Variants in TTC22 observed in about 807,000 individuals in gnomAD.
TTC22 encodes the protein tetratricopeptide repeat protein 22.
In TTC22, 42 loss-of-function variants were observed where a neutral mutation model predicts 48.2. The ratio of observed to expected loss-of-function variants is 0.87; its 90% CI spans 0.68 to 1.13. The LOEUF is 1.13. Ranked by LOEUF, TTC22 falls within the 50% of genes most tolerant of loss-of-function variation. The pLI is 0.00. For missense variants in TTC22, 784 were observed against 807.0 expected (o/e 0.97, Z 0.34); for synonymous variants, 345 against 365.5 (o/e 0.94, Z 0.64).
Position 54,781,309 on chromosome 1 carries a change from G to A in TTC22, c.1644C>T (p.Phe548=), listed in dbSNP as rs1053000316. ...QGRPALVRLL[F]ETMEREGEGA... is the part of the protein sequence containing the mutation. Reference sequence around the variant, plus strand: ...CCTCGCCCTCGCGCTCCATGGTCTCGAAGAGCAGCCGCACCAGCGCCGGCC... The same window carrying A: ...CCTCGCCCTCGCGCTCCATGGTCTCAAAGAGCAGCCGCACCAGCGCCGGCC... Residue 548 remains phenylalanine (F), a synonymous_variant, in exon 7 of 7, where the codon TTC becomes TTT. Transcript: ENST00000371276. 10 of 1,465,276 alleles carry A rather than the reference G, an allele frequency of 6.8e-6. No individual in the cohort carries two copies. The Admixed American group carries it at 2.3e-4, about 34-fold the overall frequency. 90.8% of individuals were successfully genotyped at this position (1,465,276 alleles called of 1,614,324 possible).
rs1646254024 is a variant in TTC22 at position 54,780,514 on chromosome 1, G to GGA, written c.*728_*729insTC. 6.6e-6 allele frequency: 1 copy of GGA among 151,716 alleles called. No homozygotes were observed. The highest frequency in any genetic ancestry group is 1.5e-5 in the Non-Finnish European group (1 of 68,064). The allele number at this position is 151,716 out of a possible 1,614,324, so 9.4% of individuals were successfully genotyped here. On this transcript the variant is annotated 3_prime_UTR_variant, in exon 7 of 7. Coordinates refer to ENST00000371276, the MANE Select transcript of TTC22 (RefSeq NM_001114108.2). ...AAAAAAAAAAAAAAAAAAGGGGGGG[G>GGA]GCAGGTGGCACCTCCTAATGGGTGG...
In TTC22 at chr1:54,780,649, C is replaced by G. The variant is rs1420108406; in HGVS notation, c.*594G>C. 6.6e-6 allele frequency: 1 copy of G among 152,270 alleles called. No homozygotes were observed. The highest frequency in any genetic ancestry group is 6.5e-5 in the Admixed American group (1 of 15,284). 9.4% of individuals were successfully genotyped at this position (152,270 alleles called of 1,614,324 possible). ...GGGCCAAGCGGACCAAGAAGGAGGCCTACTAGAAAAGTAGCAGAGAGGCAG... is the reference window on the plus strand; with the variant it reads ...GGGCCAAGCGGACCAAGAAGGAGGCGTACTAGAAAAGTAGCAGAGAGGCAG... On this transcript the variant is annotated 3_prime_UTR_variant, in exon 7 of 7. Coordinates refer to ENST00000371276, the MANE Select transcript of TTC22 (RefSeq NM_001114108.2).
chr1:54,782,274 G>T, intron 6 of TTC22, 51 bp downstream of exon 6: 1 of 1,472,980 alleles, frequency 6.8e-7, no homozygotes, highest in Non-Finnish European at 9.0e-7. Flanking sequence ...GCCTGGCAAG[G>T]AGTAAACAGA....
intron 1 of TTC22, among the ~76,000 whole-genome samples, chr1:54,791,349 CG>C (rs1249898892): frequency 6.6e-6 from 1 of 152,078 alleles, no homozygotes; most frequent in East Asian, 1.9e-4. Flanking sequence ...AGCTGAGGCT[CG>C]TGTGCCTGGC....
intron 5 of TTC22, chr1:54,785,150 G>A (rs2286201): frequency 0.17 from 34,079 of 197,988 alleles, 4,152 homozygotes; most frequent in East Asian, 0.5. Context: ...AGCACGTGGT[G>A]TTGTGGGATT....
chr1:54,781,520 G>C lies in TTC22; in HGVS notation c.1433C>G (p.Ala478Gly), dbSNP rs1365808699. 14 of 1,511,634 alleles carry C rather than the reference G, an allele frequency of 9.3e-6. No individual in the cohort carries two copies. In the Admixed American group the frequency reaches 2.9e-4, roughly 31 times the overall value. The allele number at this position is 1,511,634 out of a possible 1,614,324, so 93.6% of individuals were successfully genotyped here. Residue 478 changes from alanine (A) to glycine (G), a missense_variant, in exon 7 of 7, where the codon GCG becomes GGG. By Grantham distance (60) the Ala-to-Gly change is moderately conservative. Transcript: ENST00000371276. Reference sequence around the variant, plus strand: ...TGCCTGGCTCCACTGCGCCAGCAGCGCCTCGAGCAGGCAGCCGAAGCCGTC... The same window carrying C: ...TGCCTGGCTCCACTGCGCCAGCAGCCCCTCGAGCAGGCAGCCGAAGCCGTC... ...HTDGFGCLLE[A>G]LLAQWSQAQL... is the part of the protein sequence containing the mutation.
chr1:54,781,657 G>A lies in TTC22; in HGVS notation c.1296C>T (p.Pro432=). The A allele has an allele frequency of 6.5e-7, 1 of 1,530,804 alleles. No homozygotes were observed. Among genetic ancestry groups the A allele is most frequent in the Non-Finnish European group, 8.7e-7 (1 of 1,144,304 alleles). 94.8% of individuals were successfully genotyped at this position (1,530,804 alleles called of 1,614,324 possible). Residue 432 remains proline (P), a synonymous_variant, in exon 7 of 7, where the codon CCC becomes CCT. Coordinates refer to ENST00000371276, the MANE Select transcript of TTC22 (RefSeq NM_001114108.2). The part of the protein sequence containing the change: ...AGESELGATL[P]ELQLLRGKCL... ...ACTTGCCGCGCAGCAGCTGCAGCTC[G>A]GGCAGCGTGGCACCCAGCTCCGACT...
At chr1:54,799,595 T>C (rs12123513) in intron 1 of TTC22, among the ~76,000 whole-genome samples, 16,807 of 152,220 alleles carry the variant, frequency 0.11, 1,054 homozygotes, top group South Asian at 0.14. Context: ...CATGACCGCA[T>C]TCAACACATC....
intron 5 of TTC22, chr1:54,784,497 C>T (rs1305201575): frequency 7.1e-6 from 7 of 986,600 alleles, no homozygotes; most frequent in South Asian, 8.5e-5. Flanking sequence ...TGGACATGTC[C>T]GGCCTCTCTC....
chr1:54,798,078 C>G (rs936367648), intron 1 of TTC22, among the ~76,000 whole-genome samples: 22 of 152,342 alleles, frequency 1.4e-4, no homozygotes, highest in Non-Finnish European at 2.5e-4. Context: ...GGGGTCTCCC[C>G]TCACCATCCT....
In TTC22 at chr1:54,800,612, T is replaced by A; in HGVS notation, c.552A>T (p.Leu184=). The change falls in exon 1 of 7, where the codon CTA becomes CTT. Residue 184 remains leucine (L), a synonymous_variant. Coordinates refer to ENST00000371276, the MANE Select transcript of TTC22 (RefSeq NM_001114108.2). ...GGTCACCTACCTGCTGCCCGTAGCC[T>A]AGCGCCTTGTCGTAGAGCGCGATGC... is the stretch of plus-strand genomic sequence containing the variant. ...AAGIALYDKA[L]GYGQQIPMEE... The A allele has an allele frequency of 6.5e-7, 1 of 1,539,796 alleles. No homozygotes were observed. Among genetic ancestry groups the A allele is most frequent in the Non-Finnish European group, 8.6e-7 (1 of 1,156,260 alleles).
rs746391424 is a variant in TTC22, at chr1:54,800,995, G to A, written c.169C>T (p.Leu57Phe). 4 of 1,606,826 alleles carry A rather than the reference G, an allele frequency of 2.5e-6. No individual in the cohort carries two copies. Among genetic ancestry groups the A allele is most frequent in the Non-Finnish European group, 2.5e-6 (3 of 1,178,000 alleles). The stretch of plus-strand genomic sequence containing the variant: ...CGCTGCGGGGCGGCCGCCAGCTGGA[G>A]CTCCTGCCGCAGACCCTCCCGCTGC... ...KLQREGLRQE[L>F]QLAAAPQRPA... The change falls in exon 1 of 7, where the codon CTC becomes TTC. Residue 57 changes from leucine (L) to phenylalanine (F), a missense_variant. Transcript: ENST00000371276.
At chr1:54,799,152 G>C (rs1405603188) in intron 1 of TTC22, among the ~76,000 whole-genome samples, 1 of 152,196 alleles carries the variant, frequency 6.6e-6, no homozygotes, top group Non-Finnish European at 1.5e-5. Context: ...TGGAGCAGCT[G>C]CTGGGCCATG....
Position 54,787,082 on chromosome 1 carries a change from G to T in TTC22, c.740-7C>A, listed in dbSNP as rs574599414. ...AGGTAGCACCAGGCCAGGGCTGGGGGTGAAGGGTGGGAGAGGGTCTCTAGG... is the reference window on the plus strand; with the variant it reads ...AGGTAGCACCAGGCCAGGGCTGGGGTTGAAGGGTGGGAGAGGGTCTCTAGG... On this transcript the variant is annotated splice_region_variant and splice_polypyrimidine_tract_variant and intron_variant, in intron 3 of 6. Transcript: ENST00000371276. 2 of 1,465,724 alleles carry T rather than the reference G, an allele frequency of 1.4e-6. No individual in the cohort carries two copies. The highest frequency in any genetic ancestry group is 2.5e-5 in the East Asian group (1 of 39,768). The allele number at this position is 1,465,724 out of a possible 1,614,324, so 90.8% of individuals were successfully genotyped here.
chr1:54,786,951 A>G lies in TTC22; in HGVS notation c.858+6T>C. 6.8e-7 allele frequency: 1 copy of G among 1,462,140 alleles called. No individual in the cohort carries two copies. The highest frequency in any genetic ancestry group is 9.2e-7 in the Non-Finnish European group (1 of 1,086,106). 90.6% of individuals were successfully genotyped at this position (1,462,140 alleles called of 1,614,324 possible). On this transcript the variant is annotated splice_donor_region_variant and intron_variant, in intron 4 of 6. Coordinates refer to ENST00000371276, the MANE Select transcript of TTC22 (RefSeq NM_001114108.2). Reference sequence around the variant, plus strand: ...TTAGAGGGTGGGTGTGGCTGGGGGCAAGTACCTTGCCGAAGCAGTCTAGAG... The same window carrying G: ...TTAGAGGGTGGGTGTGGCTGGGGGCGAGTACCTTGCCGAAGCAGTCTAGAG...
Position 54,787,036 on chromosome 1 carries a change from T to C in TTC22, c.779A>G (p.Lys260Arg), listed in dbSNP as rs376379062. The stretch of plus-strand genomic sequence containing the variant: ...CATGGGGGTGGTGGAGAAGGTGTCC[T>C]TCCGCTCCAGCAGCATCCCGAGGTA... ...WCYLGMLLER[K>R]DTFSTTPMGV... The change falls in exon 4 of 7, where the codon AAG becomes AGG. Residue 260 changes from lysine (K) to arginine (R), a missense_variant. By Grantham distance (26) the Lys-to-Arg change is conservative (BLOSUM62 2). Transcript: ENST00000371276. 2.6e-6 allele frequency: 4 copies of C among 1,553,444 alleles called. No homozygotes were observed. The highest frequency in any genetic ancestry group is 3.5e-6 in the Non-Finnish European group (4 of 1,149,458).
At chr1:54,798,010 A>C (rs1006027967) in intron 1 of TTC22, among the ~76,000 whole-genome samples, 2 of 151,868 alleles carry the variant, frequency 1.3e-5, no homozygotes, top group African/African-American at 2.4e-5. Context: ...ATGGAAACCC[A>C]CCCACCTCCT....
intron 6 of TTC22, 100 bp from the exon 7 acceptor site, chr1:54,781,879 C>T: frequency 1.9e-6 from 2 of 1,045,138 alleles, no homozygotes; most frequent in Admixed American, 7.4e-5. Flanking sequence ...CTCCTTCACT[C>T]ATTCCCACCC....
rs1323978356 is a variant in TTC22, at chr1:54,781,511, G to A, written c.1442C>T (p.Ala481Val). 10 of 1,507,202 alleles carry A rather than the reference G, an allele frequency of 6.6e-6. No individual in the cohort carries two copies. The Admixed American group carries it at 1.9e-4, about 28-fold the overall frequency. 93.4% of individuals were successfully genotyped at this position (1,507,202 alleles called of 1,614,324 possible). The change falls in exon 7 of 7, where the codon GCG becomes GTG. Residue 481 changes from alanine to valine, a missense_variant. By Grantham distance (64) the Ala-to-Val change is moderately conservative (BLOSUM62 0). Coordinates refer to ENST00000371276, the MANE Select transcript of TTC22 (RefSeq NM_001114108.2). Reference protein sequence around the residue: ...GFGCLLEALLAQWSQAQLSDG... With the variant: ...GFGCLLEALLVQWSQAQLSDG... ...GCTCAGCTGTGCCTGGCTCCACTGCGCCAGCAGCGCCTCGAGCAGGCAGCC... is the reference window on the plus strand; with the variant it reads ...GCTCAGCTGTGCCTGGCTCCACTGCACCAGCAGCGCCTCGAGCAGGCAGCC...
Sources: gnomAD v4.1 joint callset for allele counts (sites outside exome capture counted in the v4.1 genomes callset) on GRCh38, gnomAD v4.1.1 for gene constraint, MANE v1.5 for transcripts, NCBI Gene and HGNC (gene_info 2026-07-23, HGNC 2026-07-21) for gene names.